The following PRKN variants were observed in gnomAD, a reference collection of about 807,000 sequenced individuals.
PRKN encodes parkin RBR E3 ubiquitin protein ligase, also known as E3 ubiquitin-protein ligase parkin.
PRKN carries 56 observed loss-of-function variants against 59.5 expected under a neutral mutation model. That is an observed-to-expected ratio of 0.94 (90% CI 0.76 to 1.18). The LOEUF (loss-of-function observed/expected upper bound fraction) is 1.18. Ranked by LOEUF, PRKN falls within the 50% of genes most tolerant of loss-of-function variation. PRKN has a pLI of 0.00. For synonymous variants in PRKN, 250 were observed against 222.1 expected (o/e 1.13, Z -1.12); for missense variants, 657 against 596.4 (o/e 1.10, Z -1.06).
chr6:162,105,465 G>A (rs773075584), intron 4 of PRKN, among the ~76,000 whole-genome samples: 2 of 152,146 alleles, frequency 1.3e-5, no homozygotes, highest in African/African-American at 2.4e-5. Flanking sequence ...GCAATGGCGC[G>A]ATTTCGGCTC....
In PRKN at chr6:162,243,683, G is replaced by A. The variant is rs141160666; in HGVS notation, c.412+18842C>T. Among the ~76,000 whole-genome samples the A allele has an allele frequency of 3.3e-5, 5 of 152,222 alleles. No individual in the cohort carries two copies. The East Asian group carries it at 9.6e-4, about 29-fold the overall frequency. On this transcript the variant is annotated intron_variant, in intron 3 of 11. Transcript: ENST00000366898. ...CAAAAATTAATATGCATATTTTAGTGTAACCTCATTGTGTCTATAAGGAGG... is the reference window on the plus strand; with the variant it reads ...CAAAAATTAATATGCATATTTTAGTATAACCTCATTGTGTCTATAAGGAGG...
At chr6:161,653,327 G>A (rs1230213248) in intron 7 of PRKN, among the ~76,000 whole-genome samples, 2 of 152,218 alleles carry the variant, frequency 1.3e-5, no homozygotes, top group African/African-American at 4.8e-5. Context: ...TCACGCCACT[G>A]CACTCCAGCC....
chr6:161,360,336 A>G lies in PRKN; in HGVS notation c.1168-131T>C, dbSNP rs1196683570. The G allele has an allele frequency of 1.4e-5, 11 of 761,950 alleles. No homozygotes were observed. The highest frequency in any genetic ancestry group is 2.6e-5 in the Non-Finnish European group (11 of 422,330). 47.2% of individuals were successfully genotyped at this position (761,950 alleles called of 1,614,324 possible). A position where few individuals can be genotyped will look rare whatever the true frequency, so the allele number is the denominator to read the frequency against. ...CCTTCGGGCAAGAAGCCTAAATATC[A>G]ATGCACTTGACAAATGCTAGACAGC... On this transcript the variant is annotated intron_variant, in intron 10 of 11. Coordinates refer to ENST00000366898, the MANE Select transcript of PRKN (RefSeq NM_004562.3). This position sits in a 1 kb window ranked among gnomAD's most constrained non-coding sequence, Gnocchi z 5.1.
At chr6:161,729,489 G>GAAT (rs1562637855) in intron 7 of PRKN, among the ~76,000 whole-genome samples, 1 of 152,064 alleles carries the variant, frequency 6.6e-6, no homozygotes, top group African/African-American at 2.4e-5. Flanking sequence ...TCAGGTAGAG[G>GAAT]AATAATCAAT....
Position 161,350,150 on chromosome 6 carries a change from A to ACTCGCAGCCT in PRKN, c.1346_1347insAGGCTGCGAG (p.Cys449Ter). The ACTCGCAGCCT allele has an allele frequency of 6.2e-7, 1 of 1,613,708 alleles. No homozygotes were observed. ...TGCAGACGCGGTTCCACTCGCAGCC[A>ACTCGCAGCCT]CAGTTCCAGCACCACTCGAGCCTGC... On this transcript the variant is annotated stop_gained and frameshift_variant, in exon 12 of 12. Coordinates refer to ENST00000366898, the MANE Select transcript of PRKN (RefSeq NM_004562.3). LOFTEE classifies it high-confidence loss of function.
chr6:161,412,228 CCTCACTCATTCCTCCA>C (rs1337514900), intron 9 of PRKN, among the ~76,000 whole-genome samples: 1 of 149,882 alleles, frequency 6.7e-6, no homozygotes, highest in East Asian at 2.0e-4. Flanking sequence ...TTCCTTCCTT[CCTCACTCATTCCTCCA>C]CTCACTCATT....
intron 4 of PRKN, among the ~76,000 whole-genome samples, chr6:162,154,330 A>G (rs73592329): frequency 0.012 from 1,868 of 152,074 alleles, 46 homozygotes; most frequent in African/African-American, 0.043. Context: ...TCTGGGAGAA[A>G]AAAATAATAA....
chr6:162,197,523 C>A lies in PRKN; in HGVS notation c.534+3608G>T, dbSNP rs1784542592. Among the ~76,000 whole-genome samples the A allele has an allele frequency of 2.0e-5, 3 of 152,078 alleles. No individual in the cohort carries two copies. In the South Asian group the frequency reaches 6.2e-4, roughly 32 times the overall value. ...AGGGAAGTAGTTAGAAAATAGAACA[C>A]TGATTACTAGATTTGTATAGTGAGG... On this transcript the variant is annotated intron_variant, in intron 4 of 11. Transcript: ENST00000366898.
chr6:162,191,467 G>A lies in PRKN; in HGVS notation c.534+9664C>T, dbSNP rs142385759. Among the ~76,000 whole-genome samples the A allele has an allele frequency of 4.4e-3, 663 of 152,134 alleles. 6 individuals are homozygous for A. Among genetic ancestry groups the A allele is most frequent in the African/African-American group, 0.015 (628 of 41,498 alleles). On this transcript the variant is annotated intron_variant, in intron 4 of 11. Transcript: ENST00000366898. Reference sequence around the variant, plus strand: ...TATGTATTTATTTATTTTTGAGACGGAGCCTCACTCTGTCACCCAAGCTGG... The same window carrying A: ...TATGTATTTATTTATTTTTGAGACGAAGCCTCACTCTGTCACCCAAGCTGG...
At chr6:162,013,779 C>T (rs565236717) in intron 5 of PRKN, among the ~76,000 whole-genome samples, 2 of 152,202 alleles carry the variant, frequency 1.3e-5, no homozygotes, top group East Asian at 3.9e-4. Flanking sequence ...AACAAAACTA[C>T]TTATTAAATT....
chr6:162,003,849 C>A (rs1037133277), intron 5 of PRKN, among the ~76,000 whole-genome samples: 5 of 152,082 alleles, frequency 3.3e-5, no homozygotes, highest in Non-Finnish European at 7.4e-5. Context: ...TTAAATCTTC[C>A]ATATCCTTAA....
At chr6:162,256,598 C>T (rs1233242686) in intron 3 of PRKN, among the ~76,000 whole-genome samples, 14 of 152,170 alleles carry the variant, frequency 9.2e-5, no homozygotes. Flanking sequence ...ACGCTCATTC[C>T]TGTCAAGTGC....
intron 6 of PRKN, among the ~76,000 whole-genome samples, chr6:161,902,560 A>AT (rs752868786): frequency 0.011 from 1,325 of 125,276 alleles, 35 homozygotes; most frequent in African/African-American, 0.035. Context: ...TTATTTATTT[A>AT]TTTATTTTTT....
rs147746890 is a variant in PRKN, at chr6:162,611,913, T to G, written c.7+115749A>C. Among the ~76,000 whole-genome samples, 43 of 151,910 alleles carry G rather than the reference T, an allele frequency of 2.8e-4. No individual in the cohort carries two copies. In the South Asian group the frequency reaches 8.9e-3, roughly 32 times the overall value. Reference sequence around the variant, plus strand: ...TATAAAGAAATGATACAGCGGGGCGTGGTGGCTCACGCCTGTAATCCCAGC... The same window carrying G: ...TATAAAGAAATGATACAGCGGGGCGGGGTGGCTCACGCCTGTAATCCCAGC... On this transcript the variant is annotated intron_variant, in intron 1 of 11. Coordinates refer to ENST00000366898, the MANE Select transcript of PRKN (RefSeq NM_004562.3).
chr6:161,573,757 TATATATATATATATATATATATATA>T lies in PRKN; in HGVS notation c.872-4366_872-4342del, dbSNP rs1464281278. 1.6e-4 allele frequency among the ~76,000 whole-genome samples: 7 copies of T among 44,958 alleles called. 1 individual carries two copies. The highest frequency in any genetic ancestry group is 2.0e-4 in the African/African-American group (2 of 9,768). The allele number at this position is 44,958 out of a possible 152,430, so 29.5% of individuals were successfully genotyped here. ...AAAAAAAAAAAAAAAAAAAAAAAAA[TATATATATATATATATATATATATA>T]TATATATATATATAAAACTTCATTC... On this transcript the variant is annotated intron_variant, in intron 7 of 11. Transcript: ENST00000366898.
chr6:161,793,146 T>C (rs1308592141), intron 6 of PRKN, among the ~76,000 whole-genome samples: 1 of 152,234 alleles, frequency 6.6e-6, no homozygotes, highest in African/African-American at 2.4e-5. Context: ...TACTAATTGA[T>C]AGACTCAACT....
In PRKN at chr6:161,376,927, A is replaced by G. The variant is rs1240104705; in HGVS notation, c.1167+9867T>C. Among the ~76,000 whole-genome samples, 1 of 152,222 alleles carries G rather than the reference A, an allele frequency of 6.6e-6. No individual in the cohort carries two copies. Among genetic ancestry groups the G allele is most frequent in the Non-Finnish European group, 1.5e-5 (1 of 68,042 alleles). Reference sequence around the variant, plus strand: ...GAAGCAAACTCTAAAATGGAGTTAGAGCTGGAATCCCTCCCGCCAGTGGCC... The same window carrying G: ...GAAGCAAACTCTAAAATGGAGTTAGGGCTGGAATCCCTCCCGCCAGTGGCC... On this transcript the variant is annotated intron_variant, in intron 10 of 11. Transcript: ENST00000366898. The surrounding 1 kb of genome is among the most constrained non-coding windows in gnomAD (Gnocchi z 7.3).
chr6:162,631,904 C>T (rs1783122835), intron 1 of PRKN, among the ~76,000 whole-genome samples: 1 of 150,928 alleles, frequency 6.6e-6, no homozygotes, highest in African/African-American at 2.4e-5. Context: ...TGCATACAGC[C>T]AGTTAATCAA....
chr6:161,859,422 C>G (rs1352621337), intron 6 of PRKN, among the ~76,000 whole-genome samples: 5 of 151,470 alleles, frequency 3.3e-5, no homozygotes, highest in African/African-American at 7.3e-5. Context: ...GGCCAACATG[C>G]TGAAACTCCA....
Sources: allele counts gnomAD v4.1 joint callset (sites outside exome capture counted in the v4.1 genomes callset), GRCh38; gene constraint gnomAD v4.1.1; non-coding constraint Gnocchi (gnomAD v3.1); transcripts MANE v1.5; gene names NCBI Gene and HGNC (gene_info 2026-07-23, HGNC 2026-07-21).